GPC6: variants seen among roughly 807,000 people sequenced by gnomAD.
The protein encoded by GPC6 is glypican 6.
In GPC6, 14 loss-of-function variants were observed where a neutral mutation model predicts 55.2. The ratio of observed to expected loss-of-function variants is 0.25; its 90% CI spans 0.17 to 0.40. The LOEUF is 0.40. Among genes scored for constraint, GPC6 ranks in the 10% least tolerant of loss-of-function variants. The pLI, the probability that GPC6 is intolerant of heterozygous loss-of-function variation, is 1.00. For synonymous variants in GPC6, 278 were observed against 259.6 expected (o/e 1.07, Z -0.68); for missense variants, 641 against 708.5 (o/e 0.90, Z 1.08).
chr13:93,345,408 T>C (rs1255638132), intron 1 of GPC6, among the ~76,000 whole-genome samples: 1 of 152,102 alleles, frequency 6.6e-6, no homozygotes, highest in Non-Finnish European at 1.5e-5. Flanking sequence ...ATTGTAGTAT[T>C]ATATTTTGAG....
intron 4 of GPC6, among the ~76,000 whole-genome samples, chr13:94,126,419 A>G (rs2138859974): frequency 6.6e-6 from 1 of 152,254 alleles, no homozygotes; most frequent in South Asian, 2.1e-4. Flanking sequence ...ATATACTTTT[A>G]TCATGCCTGA....
intron 1 of GPC6, among the ~76,000 whole-genome samples, chr13:93,231,353 ATATATAC>A: frequency 1.1e-4 from 3 of 28,068 alleles, no homozygotes; most frequent in African/African-American, 5.8e-4. Context: ...ATACATATAT[ATATATAC>A]GTATATATAT....
chr13:93,819,511 C>T (rs1252150650), intron 2 of GPC6, among the ~76,000 whole-genome samples: 5 of 152,182 alleles, frequency 3.3e-5, no homozygotes, highest in Non-Finnish European at 7.3e-5. Context: ...GTTAAACAGG[C>T]ATCCCACACT....
intron 1 of GPC6, among the ~76,000 whole-genome samples, chr13:93,277,360 T>C (rs1431014737): frequency 6.6e-6 from 1 of 152,184 alleles, no homozygotes; most frequent in Admixed American, 6.5e-5. Context: ...AATTAAGAGT[T>C]GTAAGGATCA....
At chr13:93,989,111 G>T (rs556427114) in intron 3 of GPC6, among the ~76,000 whole-genome samples, 1 of 152,234 alleles carries the variant, frequency 6.6e-6, no homozygotes, top group African/African-American at 2.4e-5. Flanking sequence ...CTGGATATTT[G>T]TAATTCCTTA....
chr13:93,257,002 A>G (rs996737926), intron 1 of GPC6, among the ~76,000 whole-genome samples: 2 of 147,970 alleles, frequency 1.4e-5, no homozygotes, highest in African/African-American at 2.6e-5. Flanking sequence ...TAACTTTGTG[A>G]AAAAAAAAGC....
At chr13:93,488,644 T>A (rs1879828293) in intron 1 of GPC6, among the ~76,000 whole-genome samples, 1 of 152,182 alleles carries the variant, frequency 6.6e-6, no homozygotes, top group Non-Finnish European at 1.5e-5. Flanking sequence ...GTTTCCTGAC[T>A]TTTTAATGAT....
chr13:93,364,747 T>G (rs1358020453), intron 1 of GPC6, among the ~76,000 whole-genome samples: 1 of 151,482 alleles, frequency 6.6e-6, no homozygotes, highest in East Asian at 1.9e-4. Context: ...ATATGTATTT[T>G]ATATATATGT....
intron 4 of GPC6, among the ~76,000 whole-genome samples, chr13:94,170,306 C>G (rs1394847375): frequency 6.6e-6 from 1 of 152,172 alleles, no homozygotes; most frequent in Non-Finnish European, 1.5e-5. Context: ...TGATGGTTTT[C>G]ACCACTAATT....
rs77183460 is a variant in GPC6, at chr13:94,197,606, G to A, written c.878-88743G>A. ...TATTGAATTAGGAACCCACCCTTAT[G>A]ATCTCATATAACTTTAATTGCCTCC... is the stretch of plus-strand genomic sequence containing the variant. On this transcript the variant is annotated intron_variant, in intron 4 of 8. Transcript: ENST00000377047. Among the ~76,000 whole-genome samples the A allele has an allele frequency of 4.5e-3, 683 of 152,204 alleles. 3 individuals carry two copies. Among genetic ancestry groups the A allele is most frequent in the Non-Finnish European group, 7.5e-3 (513 of 68,006 alleles).
At chr13:93,908,935 A>G (rs1287310938) in intron 3 of GPC6, among the ~76,000 whole-genome samples, 2 of 152,110 alleles carry the variant, frequency 1.3e-5, no homozygotes, top group African/African-American at 4.8e-5. Context: ...GCTGTGTAAG[A>G]TAGATTACCC....
intron 1 of GPC6, among the ~76,000 whole-genome samples, chr13:93,445,379 A>G (rs1877964026): frequency 6.6e-6 from 1 of 152,210 alleles, no homozygotes; most frequent in Non-Finnish European, 1.5e-5. Flanking sequence ...GCTCTTAAGC[A>G]TCATTTTTGT....
chr13:93,560,852 A>G (rs1289259879), intron 2 of GPC6, among the ~76,000 whole-genome samples: 2 of 152,058 alleles, frequency 1.3e-5, no homozygotes, highest in Admixed American at 6.5e-5. Context: ...CTTTGATAAC[A>G]AAGCAGAAAA....
chr13:93,226,467 A>G (rs184486276), upstream of GPC6: 229 of 152,344 alleles, frequency 1.5e-3, no homozygotes, highest in African/African-American at 5.2e-3. Flanking sequence ...TCTGCCACCC[A>G]TGAACTCCCG....
In GPC6 at chr13:94,286,344, A is replaced by C. The variant is rs772852238; in HGVS notation, c.878-5A>C. 16 of 1,613,778 alleles carry C rather than the reference A, an allele frequency of 9.9e-6. No individual in the cohort carries two copies. Among genetic ancestry groups the C allele is most frequent in the Non-Finnish European group, 1.1e-5 (13 of 1,179,764 alleles). ...CAAATAAATCATGTTCCTGTATTTTAACAGATGCAATGCTCTTGGTGGCAG... is the reference window on the plus strand; with the variant it reads ...CAAATAAATCATGTTCCTGTATTTTCACAGATGCAATGCTCTTGGTGGCAG... On this transcript the variant is annotated splice_region_variant and splice_polypyrimidine_tract_variant and intron_variant, in intron 4 of 8. Transcript: ENST00000377047.
chr13:93,379,173 CTTCT>C (rs1875052007), intron 1 of GPC6, among the ~76,000 whole-genome samples: 1 of 152,140 alleles, frequency 6.6e-6, no homozygotes, highest in South Asian at 2.1e-4. Context: ...CCCACCTCAG[CTTCT>C]TAAGTAGCTA....
intron 1 of GPC6, among the ~76,000 whole-genome samples, chr13:93,228,688 T>G (rs1296589965): frequency 6.6e-6 from 1 of 152,190 alleles, no homozygotes; most frequent in Admixed American, 6.5e-5. Context: ...GGCCAGGAGA[T>G]GCTGCGAGGG....
intron 1 of GPC6, among the ~76,000 whole-genome samples, chr13:93,497,424 G>A (rs1880347739): frequency 1.3e-5 from 2 of 152,198 alleles, no homozygotes; most frequent in Non-Finnish European, 2.9e-5. Flanking sequence ...GCTTCTTACT[G>A]TATTTAACTC....
chr13:93,426,981 A>G (rs1307109336), intron 1 of GPC6, among the ~76,000 whole-genome samples: 1 of 150,238 alleles, frequency 6.7e-6, no homozygotes, highest in East Asian at 1.9e-4. Flanking sequence ...CATTTCTCTG[A>G]TGGCCAGTGA....
Sources: gnomAD v4.1 joint callset for allele counts (sites outside exome capture counted in the v4.1 genomes callset) on GRCh38, gnomAD v4.1.1 for gene constraint, MANE v1.5 for transcripts, NCBI Gene and HGNC (gene_info 2026-07-23, HGNC 2026-07-21) for gene names.